The following PDE4B variants were observed in gnomAD, a reference collection of about 807,000 sequenced individuals.
The protein encoded by PDE4B is phosphodiesterase 4B, also known as 3',5'-cyclic-AMP phosphodiesterase 4B.
PDE4B carries 20 observed loss-of-function variants against 82.2 expected under a neutral mutation model. That is an observed-to-expected ratio of 0.24 (90% CI 0.17 to 0.35). PDE4B has a LOEUF of 0.35. Among genes scored for constraint, PDE4B ranks in the 10% least tolerant of loss-of-function variants. PDE4B has a pLI of 1.00. For synonymous variants in PDE4B, 320 were observed against 318.9 expected (o/e 1.00, Z -0.04); for missense variants, 655 against 907.2 (o/e 0.72, Z 3.57).
At chr1:65,809,111 A>G (rs1645789823) in intron 1 of PDE4B, among the ~76,000 whole-genome samples, 1 of 151,964 alleles carries the variant, frequency 6.6e-6, no homozygotes, top group Non-Finnish European at 1.5e-5. Flanking sequence ...CGGGTGGATC[A>G]CTTGAGGTCA....
chr1:66,363,974 T>A (rs1424767450), intron 12 of PDE4B, among the ~76,000 whole-genome samples: 1 of 152,200 alleles, frequency 6.6e-6, no homozygotes, highest in East Asian at 1.9e-4. Context: ...TTACATCTCT[T>A]ACTATTAAAA....
chr1:66,111,971 C>A (rs750281816), intron 3 of PDE4B, among the ~76,000 whole-genome samples: 46 of 152,198 alleles, frequency 3.0e-4, no homozygotes, highest in Middle Eastern at 3.4e-3. Flanking sequence ...ATTTATGAAT[C>A]TAAATGAATC....
At chr1:66,200,880 A>T (rs1321766941) in intron 3 of PDE4B, among the ~76,000 whole-genome samples, 1 of 152,118 alleles carries the variant, frequency 6.6e-6, no homozygotes. Flanking sequence ...TTCCAACACT[A>T]TGTTGAATAG....
chr1:65,968,463 A>T (rs1198075694), intron 3 of PDE4B, among the ~76,000 whole-genome samples: 3 of 150,914 alleles, frequency 2.0e-5, no homozygotes, highest in Admixed American at 6.7e-5. Flanking sequence ...CTCCAGTGAG[A>T]AAGTTGTGTT....
intron 1 of PDE4B, among the ~76,000 whole-genome samples, chr1:65,806,354 A>C (rs576925331): frequency 9.2e-5 from 14 of 152,360 alleles, no homozygotes; most frequent in Non-Finnish European, 1.8e-4. Context: ...AATACTAGCA[A>C]TGAAACTGTA....
intron 3 of PDE4B, among the ~76,000 whole-genome samples, chr1:65,985,183 G>C (rs1235606769): frequency 6.6e-6 from 1 of 152,046 alleles, no homozygotes; most frequent in Non-Finnish European, 1.5e-5. Context: ...ACCCTTATAA[G>C]GCTCATAGTA....
chr1:66,056,833 T>A (rs141395497), intron 3 of PDE4B, among the ~76,000 whole-genome samples: 67 of 152,182 alleles, frequency 4.4e-4, no homozygotes, highest in African/African-American at 1.5e-3. Flanking sequence ...TCCCTTAGGG[T>A]CTCCAGAAAG....
chr1:66,352,594 A>G (rs537189509), intron 8 of PDE4B, among the ~76,000 whole-genome samples: 65 of 152,364 alleles, frequency 4.3e-4, no homozygotes, highest in African/African-American at 1.5e-3. Flanking sequence ...TAGCTAGTAA[A>G]GAACTGGTCC....
At chr1:65,842,451 A>G (rs1646218324) in intron 1 of PDE4B, among the ~76,000 whole-genome samples, 1 of 152,196 alleles carries the variant, frequency 6.6e-6, no homozygotes, top group South Asian at 2.1e-4. Context: ...AACAACTAAA[A>G]CATAGGACAA....
intron 1 of PDE4B, among the ~76,000 whole-genome samples, chr1:65,845,973 G>C (rs1646263993): frequency 1.3e-5 from 2 of 152,154 alleles, no homozygotes; most frequent in African/African-American, 4.8e-5. Flanking sequence ...TCTTTAAGCT[G>C]TGCCTGGCTG....
intron 1 of PDE4B, among the ~76,000 whole-genome samples, chr1:65,904,410 G>A (rs1647005260): frequency 6.6e-6 from 1 of 152,126 alleles, no homozygotes; most frequent in Non-Finnish European, 1.5e-5. Flanking sequence ...TTTAAGTTAT[G>A]TTTTAGATAT....
chr1:66,358,674 C>CA (rs11433160), intron 9 of PDE4B, among the ~76,000 whole-genome samples: 63,740 of 112,362 alleles, frequency 0.57, 16,474 homozygotes, highest in East Asian at 0.82. Context: ...AACTCTGTCT[C>CA]AAAAAAAAAA....
At chr1:66,172,669 C>A (rs868397985) in intron 3 of PDE4B, among the ~76,000 whole-genome samples, 10 of 152,084 alleles carry the variant, frequency 6.6e-5, no homozygotes, top group Admixed American at 5.2e-4. Context: ...GGTAGCTCAT[C>A]ATAGTTTTTG....
chr1:65,923,435 T>G (rs1647323688), intron 3 of PDE4B, among the ~76,000 whole-genome samples: 1 of 152,228 alleles, frequency 6.6e-6, no homozygotes, highest in Non-Finnish European at 1.5e-5. Flanking sequence ...TTTTTGTGTA[T>G]TTTAGTTATT....
At chr1:66,321,473 AC>A (rs530655127) in intron 7 of PDE4B, among the ~76,000 whole-genome samples, 27 of 152,180 alleles carry the variant, frequency 1.8e-4, no homozygotes, top group Non-Finnish European at 3.2e-4. Context: ...TGCTTCTATA[AC>A]AAAATATCTG....
chr1:66,172,614 T>A (rs1017475274), intron 3 of PDE4B, among the ~76,000 whole-genome samples: 4 of 152,226 alleles, frequency 2.6e-5, no homozygotes, highest in African/African-American at 9.6e-5. Flanking sequence ...TCAGAAGTAT[T>A]GTTTTTTGAT....
At chr1:66,363,919 A>G (rs1435996099) in intron 12 of PDE4B, among the ~76,000 whole-genome samples, 1 of 152,206 alleles carries the variant, frequency 6.6e-6, no homozygotes, top group African/African-American at 2.4e-5. Flanking sequence ...AAAATGAATG[A>G]CATTTCTACT....
At chr1:66,203,280 A>AT (rs1282474847) in intron 3 of PDE4B, among the ~76,000 whole-genome samples, 3 of 151,816 alleles carry the variant, frequency 2.0e-5, no homozygotes, top group Non-Finnish European at 2.9e-5. Context: ...TGCCCTTAAC[A>AT]TTTTTTCCTT....
At position 66,346,085 on chromosome 1, in the gene PDE4B, G is replaced by A. The variant is rs78661852; in HGVS notation, c.748-9442G>A. On this transcript the variant is annotated intron_variant, in intron 8 of 16. Transcript: ENST00000341517. ...ATGGCTATTCCACACTCTCTGGGGA[G>A]CCTATTTATGAGCACATGTGTTTGT... Among the ~76,000 whole-genome samples, 120 of 152,282 alleles carry A rather than the reference G, an allele frequency of 7.9e-4. 2 individuals carry two copies. In the East Asian group the frequency reaches 0.022, roughly 28 times the overall value.
Sources: gnomAD v4.1 joint callset for allele counts (sites outside exome capture counted in the v4.1 genomes callset) on GRCh38, gnomAD v4.1.1 for gene constraint, MANE v1.5 for transcripts, NCBI Gene and HGNC (gene_info 2026-07-23, HGNC 2026-07-21) for gene names.